Variants in FBXO15 observed in about 807,000 individuals in gnomAD.
The protein encoded by FBXO15 is F-box protein 15, also known as F-box only protein 15.
A neutral mutation model predicts 49.5 loss-of-function variants in FBXO15; 30 were observed. The observed-to-expected ratio is 0.61, with a 90% CI of 0.45 to 0.82. The LOEUF (loss-of-function observed/expected upper bound fraction) is 0.82, where lower values mean the gene tolerates loss of function less well. Among genes scored for constraint, FBXO15 ranks in the 40% least tolerant of loss-of-function variants. The pLI, the probability that FBXO15 is intolerant of heterozygous loss-of-function variation, is 0.00. For synonymous variants in FBXO15, 250 were observed against 232.7 expected, an observed-to-expected ratio of 1.07 and a Z score of -0.68; for missense variants, 591 against 631.5, an observed-to-expected ratio of 0.94 and a Z score of 0.69.
chr18:74,123,155 T>TA, intron 8 of FBXO15: 3 of 459,668 alleles, frequency 6.5e-6, no homozygotes, highest in Admixed American at 4.1e-5. Flanking sequence ...GCATTGAGAG[T>TA]GATGGTGGTG....
intron 8 of FBXO15, among the ~76,000 whole-genome samples, chr18:74,088,753 A>G (rs1912869632): frequency 6.6e-6 from 1 of 152,196 alleles, no homozygotes; most frequent in East Asian, 1.9e-4. Context: ...TGTCATTGGT[A>G]GTTTGATAGG....
At position 74,130,391 on chromosome 18, in the gene FBXO15, T is replaced by G. The variant is rs772073821; in HGVS notation, c.575+25A>C. On this transcript the variant is annotated intron_variant, in intron 4 of 9. Transcript: ENST00000419743. ...ACGATACTTTGAGCTGATGCCATCA[T>G]TCTCTTTTGGAACACACTGCGTACC... The G allele has an allele frequency of 9.9e-6, 16 of 1,611,980 alleles. No homozygotes were observed. The Admixed American group carries it at 2.0e-4, about 20-fold the overall frequency.
At chr18:74,115,698 A>T (rs1011149304) in intron 8 of FBXO15, among the ~76,000 whole-genome samples, 3 of 152,214 alleles carry the variant, frequency 2.0e-5, no homozygotes, top group African/African-American at 7.2e-5. Flanking sequence ...GTATCTTTTA[A>T]AGGATGAAGA....
chr18:74,141,220 T>TGAAACAC (rs1979056179), intron 1 of FBXO15, among the ~76,000 whole-genome samples: 1 of 152,198 alleles, frequency 6.6e-6, no homozygotes, highest in Admixed American at 6.5e-5. Context: ...CCAGTAGTAC[T>TGAAACAC]CAGCAGCACC....
chr18:74,105,981 T>A (rs536466392), intron 8 of FBXO15, among the ~76,000 whole-genome samples: 1 of 152,212 alleles, frequency 6.6e-6, no homozygotes, highest in East Asian at 1.9e-4. Flanking sequence ...AATCAAGAAA[T>A]CTTTGATAAA....
intron 8 of FBXO15, among the ~76,000 whole-genome samples, chr18:74,119,847 A>G (rs1914398273): frequency 6.6e-6 from 1 of 152,146 alleles, no homozygotes. Context: ...ACGGTTCACA[A>G]GGTTTAAAGG....
At chr18:74,110,712 GA>G (rs145031858) in intron 8 of FBXO15, among the ~76,000 whole-genome samples, 13,275 of 151,222 alleles carry the variant, frequency 0.088, 815 homozygotes, top group Admixed American at 0.2. Flanking sequence ...TAAGTGGAAG[GA>G]AAAAAAATAT....
intron 8 of FBXO15, among the ~76,000 whole-genome samples, chr18:74,084,924 A>C (rs1021399972): frequency 6.6e-6 from 1 of 152,102 alleles, no homozygotes; most frequent in Non-Finnish European, 1.5e-5. Context: ...TGCCAAGCTA[A>C]GTGTGTTAAG....
intron 3 of FBXO15, among the ~76,000 whole-genome samples, chr18:74,134,938 C>T (rs1367833914): frequency 1.3e-5 from 2 of 152,158 alleles, no homozygotes; most frequent in Admixed American, 6.5e-5. Flanking sequence ...TGCTGATCTC[C>T]CCAGCTGACA....
chr18:74,110,180 TACACATATGTGTGC>T (rs1371165450), intron 8 of FBXO15, among the ~76,000 whole-genome samples: 2 of 116,968 alleles, frequency 1.7e-5, no homozygotes, highest in African/African-American at 6.3e-5. Context: ...TATATATATA[TACACATATGTGTGC>T]ATATATATAT....
At position 74,073,602 on chromosome 18, in the gene FBXO15, G is replaced by T. The variant is rs1348902045; in HGVS notation, c.1392C>A (p.Tyr464Ter). Residue 464 changes from tyrosine to a stop codon, truncating the protein, a stop_gained, in exon 10 of 10, where the codon TAC (tyrosine) becomes TAA (stop). Coordinates refer to ENST00000419743, the MANE Select transcript of FBXO15 (RefSeq NM_001142958.2). LOFTEE classifies it low-confidence loss of function (END_TRUNC). ...CTTCCGCATCAACGTAGTCCACGTT[G>T]TATGTCTGTCCCAAGAAGCTAGAGC... The part of the protein sequence containing the change: ...SDSSSFLGQT[Y>*]NVDYVDAEGR... 6.2e-7 allele frequency: 1 copy of T among 1,614,082 alleles called. No homozygotes were observed. The highest frequency in any genetic ancestry group is 1.3e-5 in the African/African-American group (1 of 74,928).
chr18:74,147,549 C>A lies in FBXO15; in HGVS notation c.116+121G>T, dbSNP rs970852583. 52 of 1,287,862 alleles carry A rather than the reference C, an allele frequency of 4.0e-5. No homozygotes were observed. In the African/African-American group the frequency reaches 4.2e-4, roughly 10 times the overall value. 79.8% of individuals were successfully genotyped at this position (1,287,862 alleles called of 1,614,324 possible). ...CGGTCGTTCTTCCATACCCTTCTCACGTTGAAGACGGCCACGGGCCTTGCG... is the reference window on the plus strand; with the variant it reads ...CGGTCGTTCTTCCATACCCTTCTCAAGTTGAAGACGGCCACGGGCCTTGCG... On this transcript the variant is annotated intron_variant, in intron 1 of 9. Coordinates refer to ENST00000419743, the MANE Select transcript of FBXO15 (RefSeq NM_001142958.2).
intron 3 of FBXO15, among the ~76,000 whole-genome samples, chr18:74,134,129 T>C (rs1473395614): frequency 2.0e-5 from 3 of 152,218 alleles, no homozygotes; most frequent in African/African-American, 4.8e-5. Context: ...TGTATTGACA[T>C]AGACATACAT....
At chr18:74,121,700 A>C (rs968525981) in intron 8 of FBXO15, among the ~76,000 whole-genome samples, 1 of 152,210 alleles carries the variant, frequency 6.6e-6, no homozygotes, top group Non-Finnish European at 1.5e-5. Context: ...TCAAAAAGAA[A>C]TGTCTATAAC....
chr18:74,093,055 T>C (rs1390685241), intron 8 of FBXO15, among the ~76,000 whole-genome samples: 1 of 152,066 alleles, frequency 6.6e-6, no homozygotes, highest in Non-Finnish European at 1.5e-5. Context: ...CATGTGTTCA[T>C]ACCAGCAGAA....
intron 7 of FBXO15, 76 bp from the exon 8 acceptor site, chr18:74,123,586 A>T (rs1488453443): frequency 3.4e-6 from 5 of 1,485,430 alleles, no homozygotes; most frequent in Non-Finnish European, 4.5e-6. Flanking sequence ...AATACTTTTT[A>T]AAAAATTACC....
rs1454568041 is a variant in FBXO15, at chr18:74,140,167, G to C, written c.227+35C>G. 9 of 1,513,316 alleles carry C rather than the reference G, an allele frequency of 5.9e-6. No individual in the cohort carries two copies. In the Middle Eastern group the frequency reaches 5.1e-4, roughly 85 times the overall value. The allele number at this position is 1,513,316 out of a possible 1,614,324, so 93.7% of individuals were successfully genotyped here. A position where few individuals can be genotyped will look rare whatever the true frequency, so the allele number is the denominator to read the frequency against. The stretch of plus-strand genomic sequence containing the variant: ...TTCTCTAATAACCCCATGCCTAGAG[G>C]CCCCCAAAAGTGACAGTCTACTTCT... On this transcript the variant is annotated intron_variant, in intron 2 of 9. Coordinates refer to ENST00000419743, the MANE Select transcript of FBXO15 (RefSeq NM_001142958.2).
intron 9 of FBXO15, chr18:74,078,564 C>G (rs1469642848): frequency 6.6e-6 from 1 of 152,546 alleles, no homozygotes; most frequent in Admixed American, 6.5e-5. Flanking sequence ...CCACTGGGTT[C>G]CTTCTCCAGA....
At chr18:74,086,492 G>C (rs1296191818) in intron 8 of FBXO15, among the ~76,000 whole-genome samples, 2 of 152,138 alleles carry the variant, frequency 1.3e-5, no homozygotes, top group East Asian at 3.9e-4. Context: ...GCAGTGGTGC[G>C]ATCTCAACTC....
Sources: allele counts gnomAD v4.1 joint callset (sites outside exome capture counted in the v4.1 genomes callset), GRCh38; gene constraint gnomAD v4.1.1; transcripts MANE v1.5; gene names NCBI Gene and HGNC (gene_info 2026-07-23, HGNC 2026-07-21).